The following ANKRD12 variants were observed in gnomAD, a reference collection of about 807,000 sequenced individuals.
The protein encoded by ANKRD12 is ankyrin repeat domain 12, also known as ankyrin repeat domain-containing protein 12.
Under a neutral mutation model 183.4 loss-of-function variants are expected in ANKRD12, and 85 were observed. That is an observed-to-expected ratio of 0.46 (90% CI 0.39 to 0.56). The LOEUF (loss-of-function observed/expected upper bound fraction) is 0.56. ANKRD12 is among the 20% of genes least tolerant of loss of function. The probability of loss-of-function intolerance (pLI) is 0.00; values close to 1 mark genes in which losing one functional copy is unlikely to be tolerated. For synonymous variants in ANKRD12, 914 were observed against 800.2 expected, an observed-to-expected ratio of 1.14 and a Z score of -2.40; for missense variants, 2,405 against 2,357.1, an observed-to-expected ratio of 1.02 and a Z score of -0.42.
chr18:9,273,457 A>G (rs1230114483), intron 10 of ANKRD12, among the ~76,000 whole-genome samples: 3 of 152,220 alleles, frequency 2.0e-5, no homozygotes, highest in Admixed American at 1.3e-4. Flanking sequence ...GCCCAGTAGA[A>G]TGGCTGTAAT....
chr18:9,226,364 G>T (rs767906453), intron 8 of ANKRD12, among the ~76,000 whole-genome samples: 2 of 152,010 alleles, frequency 1.3e-5, no homozygotes, highest in African/African-American at 2.4e-5. Flanking sequence ...GGCAGAAGTT[G>T]CAGTAAGCTG....
chr18:9,216,181 A>G (rs1271698662), intron 6 of ANKRD12, among the ~76,000 whole-genome samples: 3 of 151,946 alleles, frequency 2.0e-5, no homozygotes, highest in Non-Finnish European at 2.9e-5. Context: ...AGTTACACCA[A>G]ATATGCCTGC....
intron 10 of ANKRD12, among the ~76,000 whole-genome samples, chr18:9,270,087 G>A (rs932943461): frequency 2.0e-4 from 30 of 152,180 alleles, no homozygotes; most frequent in African/African-American, 7.0e-4. Flanking sequence ...CAGTTAGAAT[G>A]GCGATCATTA....
intron 6 of ANKRD12, among the ~76,000 whole-genome samples, chr18:9,215,020 A>G (rs2036015112): frequency 6.6e-6 from 1 of 152,168 alleles, no homozygotes; most frequent in Admixed American, 6.5e-5. Flanking sequence ...TTTTAGAACA[A>G]GGTTTCGTTT....
At position 9,263,892 on chromosome 18, in the gene ANKRD12, A is replaced by G; in HGVS notation, c.5763+4A>G. On this transcript the variant is annotated splice_donor_region_variant and intron_variant, in intron 10 of 12. Coordinates refer to ENST00000262126, the MANE Select transcript of ANKRD12 (RefSeq NM_015208.5). Reference sequence around the variant, plus strand: ...TTTGCAACACAGTATTGAAAGGGTAAGAAATGTTTAAATTTACACTTATGC... The same window carrying G: ...TTTGCAACACAGTATTGAAAGGGTAGGAAATGTTTAAATTTACACTTATGC... The G allele has an allele frequency of 6.9e-7, 1 of 1,439,790 alleles. No homozygotes were observed. 89.2% of individuals were successfully genotyped at this position (1,439,790 alleles called of 1,614,324 possible).
At chr18:9,264,283 G>A (rs1404589997) in intron 10 of ANKRD12, among the ~76,000 whole-genome samples, 1 of 152,172 alleles carries the variant, frequency 6.6e-6, no homozygotes, top group Non-Finnish European at 1.5e-5. Context: ...GTCGGCCTTA[G>A]TATGTGCCTT....
At chr18:9,157,603 ATTTT>A (rs560783016) in intron 1 of ANKRD12, among the ~76,000 whole-genome samples, 27 of 84,616 alleles carry the variant, frequency 3.2e-4, no homozygotes, top group East Asian at 1.4e-3. Flanking sequence ...ATATATATGT[ATTTT>A]TTTTTTTTTT....
chr18:9,231,364 T>C (rs377229289), intron 8 of ANKRD12, among the ~76,000 whole-genome samples: 2 of 152,088 alleles, frequency 1.3e-5, no homozygotes, highest in African/African-American at 4.8e-5. Flanking sequence ...CCCGTTACTA[T>C]TGTATTGGAG....
At chr18:9,137,557 C>T (rs1260429301) in intron 1 of ANKRD12, 27 of 150,036 alleles carry the variant, frequency 1.8e-4, no homozygotes, top group African/African-American at 6.3e-4. Flanking sequence ...GCCGGGGAGT[C>T]TGCCGCGGCC....
rs1472096253 is a variant in ANKRD12, at chr18:9,258,026, T to G, written c.4759T>G (p.Ser1587Ala). 6.2e-7 allele frequency: 1 copy of G among 1,613,698 alleles called. No individual in the cohort carries two copies. The highest frequency in any genetic ancestry group is 1.1e-5 in the South Asian group (1 of 91,062). ...EKAYTLPVLPSEKDFNGSDAS... is the reference protein window; with the variant it reads ...EKAYTLPVLPAEKDFNGSDAS... ...AGCTTATACTTTACCTGTGTTACCA[T>G]CAGAAAAGGACTTTAATGGAAGTGA... Residue 1587 changes from serine (S) to alanine (A), a missense_variant, in exon 9 of 13, where the codon TCA (serine) becomes GCA (alanine). This residue lies in a region of ANKRD12 where 1,983 missense variants were observed against 1,725.9 expected (regional missense o/e 1.15). Transcript: ENST00000262126.
chr18:9,280,930 C>G lies in ANKRD12; in HGVS notation c.6004-11C>G. The G allele has an allele frequency of 6.2e-7, 1 of 1,600,494 alleles. No individual in the cohort carries two copies. Among genetic ancestry groups the G allele is most frequent in the Non-Finnish European group, 8.5e-7 (1 of 1,176,686 alleles). On this transcript the variant is annotated splice_polypyrimidine_tract_variant and intron_variant, in intron 12 of 12. Transcript: ENST00000262126. ...AGAATAATCAAGTAACTCTTCTCTT[C>G]TTTTAAATAGACCTGTCTTTTAATG...
chr18:9,152,207 TAAAGA>T (rs372340001), intron 1 of ANKRD12, among the ~76,000 whole-genome samples: 13 of 152,242 alleles, frequency 8.5e-5, no homozygotes, highest in African/African-American at 3.1e-4. Flanking sequence ...ATAAAACACT[TAAAGA>T]AAGGGGAATC....
At chr18:9,196,580 A>G (rs1437715728) in intron 3 of ANKRD12, among the ~76,000 whole-genome samples, 1 of 152,212 alleles carries the variant, frequency 6.6e-6, no homozygotes, top group Non-Finnish European at 1.5e-5. Flanking sequence ...TTCAGAAATG[A>G]TCTTGACTCT....
intron 10 of ANKRD12, among the ~76,000 whole-genome samples, chr18:9,272,763 T>G (rs1444221352): frequency 6.6e-6 from 1 of 152,238 alleles, no homozygotes; most frequent in African/African-American, 2.4e-5. Context: ...ATCAAAAGTG[T>G]TAGGCCTACC....
intron 8 of ANKRD12, among the ~76,000 whole-genome samples, chr18:9,226,606 T>C (rs1169991322): frequency 6.6e-6 from 1 of 152,020 alleles, no homozygotes; most frequent in Non-Finnish European, 1.5e-5. Flanking sequence ...GGTTTTTACA[T>C]ACCCTTTTCA....
chr18:9,228,877 G>A (rs765622855), intron 8 of ANKRD12, among the ~76,000 whole-genome samples: 1 of 149,138 alleles, frequency 6.7e-6, no homozygotes, highest in Non-Finnish European at 1.5e-5. Flanking sequence ...TAAAATCTTT[G>A]CCTAGACCAA....
At chr18:9,150,070 A>G (rs2078635227) in intron 1 of ANKRD12, among the ~76,000 whole-genome samples, 2 of 152,140 alleles carry the variant, frequency 1.3e-5, no homozygotes, top group Admixed American at 6.5e-5. Flanking sequence ...CTGGGAATAC[A>G]GGAGTGAACC....
rs774924565 is a variant in ANKRD12 at position 9,258,002 on chromosome 18, G to A, written c.4735G>A (p.Ala1579Thr). 5 of 1,613,766 alleles carry A rather than the reference G, an allele frequency of 3.1e-6. No homozygotes were observed. The highest frequency in any genetic ancestry group is 3.4e-6 in the Non-Finnish European group (4 of 1,179,948). Residue 1579 changes from alanine to threonine, a missense_variant, in exon 9 of 13, where the codon GCT becomes ACT. Physicochemically the swap from Ala to Thr is moderately conservative, Grantham distance 58. This residue lies in a region of ANKRD12 where 1,983 missense variants were observed against 1,725.9 expected (regional missense o/e 1.15). Transcript: ENST00000262126. ...AGAAGCATCACCAAACTTTGAGAAAGCTTATACTTTACCTGTGTTACCATC... is the reference window on the plus strand; with the variant it reads ...AGAAGCATCACCAAACTTTGAGAAAACTTATACTTTACCTGTGTTACCATC... ...IQEASPNFEK[A>T]YTLPVLPSEK...
intron 10 of ANKRD12, among the ~76,000 whole-genome samples, chr18:9,267,202 TAGAC>T (rs1267111796): frequency 2.0e-5 from 3 of 152,076 alleles, no homozygotes; most frequent in African/African-American, 7.2e-5. Flanking sequence ...CTGTCAACAT[TAGAC>T]AGATCAACGA....
Sources: gnomAD v4.1 joint callset for allele counts (sites outside exome capture counted in the v4.1 genomes callset) on GRCh38, gnomAD v4.1.1 for gene constraint, gnomAD v4.1.1 regional missense constraint, MANE v1.5 for transcripts, NCBI Gene and HGNC (gene_info 2026-07-23, HGNC 2026-07-21) for gene names.